The following ASZ1 variants were observed in gnomAD, a reference collection of about 807,000 sequenced individuals.
ASZ1 encodes the protein ankyrin repeat, SAM and basic leucine zipper domain-containing protein 1.
Under a neutral mutation model 61.8 loss-of-function variants are expected in ASZ1, and 67 were observed. The ratio of observed to expected loss-of-function variants is 1.08; its 90% CI spans 0.89 to 1.33. The LOEUF is 1.33. Ranked by LOEUF, ASZ1 falls within the 40% of genes most tolerant of loss-of-function variation. The probability of loss-of-function intolerance (pLI) is 0.00; values close to 1 mark genes in which losing one functional copy is unlikely to be tolerated. For synonymous variants in ASZ1, 193 were observed against 192.7 expected (o/e 1.00, Z -0.01); for missense variants, 577 against 554.5 (o/e 1.04, Z -0.41).
At chr7:117,418,058 C>T (rs1167484001) in intron 4 of ASZ1, among the ~76,000 whole-genome samples, 2 of 152,138 alleles carry the variant, frequency 1.3e-5, no homozygotes, top group East Asian at 3.9e-4. Flanking sequence ...AAAGAATAGT[C>T]TAGAACCTAT....
intron 10 of ASZ1, among the ~76,000 whole-genome samples, chr7:117,374,027 CAAT>C (rs1237121501): frequency 6.6e-6 from 1 of 151,772 alleles, no homozygotes; most frequent in Non-Finnish European, 1.5e-5. Context: ...TATTCTGAAA[CAAT>C]GATGAGGCAT....
At chr7:117,384,350 T>C (rs1671810594) in intron 6 of ASZ1, among the ~76,000 whole-genome samples, 1 of 152,096 alleles carries the variant, frequency 6.6e-6, no homozygotes, top group Non-Finnish European at 1.5e-5. Context: ...TTAATTAAAC[T>C]TACAAAAGAA....
At chr7:117,363,803 A>G in intron 12 of ASZ1, 55 bp from the exon 13 acceptor site, 3 of 1,315,002 alleles carry the variant, frequency 2.3e-6, no homozygotes, top group Admixed American at 5.6e-5. Flanking sequence ...ACATTAATAA[A>G]ACATTTTGAT....
At chr7:117,376,330 C>G (rs1796136313) in intron 10 of ASZ1, among the ~76,000 whole-genome samples, 1 of 152,090 alleles carries the variant, frequency 6.6e-6, no homozygotes, top group African/African-American at 2.4e-5. Flanking sequence ...CACAAAATAT[C>G]CAGGTCCAGA....
intron 4 of ASZ1, among the ~76,000 whole-genome samples, chr7:117,394,608 T>C (rs1462402830): frequency 6.6e-6 from 1 of 152,242 alleles, no homozygotes; most frequent in Non-Finnish European, 1.5e-5. Flanking sequence ...TCTTGGTCTT[T>C]ATTGCTTCAA....
At chr7:117,388,467 A>G (rs554866598) in intron 4 of ASZ1, among the ~76,000 whole-genome samples, 13 of 152,336 alleles carry the variant, frequency 8.5e-5, no homozygotes, top group Non-Finnish European at 1.5e-4. Flanking sequence ...ACAGGCAATT[A>G]TCCTAGGAAT....
At chr7:117,369,501 A>C (rs2116446985) in intron 10 of ASZ1, among the ~76,000 whole-genome samples, 1 of 152,314 alleles carries the variant, frequency 6.6e-6, no homozygotes, top group African/African-American at 2.4e-5. Flanking sequence ...TGGTGTGGAT[A>C]AAAGGAACAC....
intron 4 of ASZ1, among the ~76,000 whole-genome samples, chr7:117,409,740 T>A (rs966737004): frequency 6.6e-6 from 1 of 151,870 alleles, no homozygotes; most frequent in African/African-American, 2.4e-5. Flanking sequence ...ATTTTTATTA[T>A]GTGAAAGAAG....
intron 4 of ASZ1, 53 bp downstream of exon 4, chr7:117,420,110 C>T: frequency 7.3e-7 from 1 of 1,377,082 alleles, no homozygotes; most frequent in Non-Finnish European, 1.0e-6. Context: ...AGGCTGATAC[C>T]AAAGAAAAAT....
At chr7:117,424,626 C>T (rs1473745751) in intron 2 of ASZ1, among the ~76,000 whole-genome samples, 2 of 152,208 alleles carry the variant, frequency 1.3e-5, no homozygotes, top group African/African-American at 4.8e-5. Flanking sequence ...CATATCAAGT[C>T]TTAATCCTTC....
At chr7:117,419,625 A>C (rs1797062181) in intron 4 of ASZ1, among the ~76,000 whole-genome samples, 1 of 152,212 alleles carries the variant, frequency 6.6e-6, no homozygotes, top group African/African-American at 2.4e-5. Flanking sequence ...AATTTTAAGC[A>C]ATCTGATTCA....
intron 10 of ASZ1, among the ~76,000 whole-genome samples, chr7:117,369,803 C>T (rs1379396855): frequency 6.6e-6 from 1 of 152,128 alleles, no homozygotes; most frequent in Non-Finnish European, 1.5e-5. Context: ...TAAAAGAAAA[C>T]ATTATGGCAT....
chr7:117,373,722 T>A (rs1416223353), intron 10 of ASZ1, among the ~76,000 whole-genome samples: 3 of 152,148 alleles, frequency 2.0e-5, no homozygotes, highest in African/African-American at 4.8e-5. Context: ...TTTATTTTTT[T>A]AAAAAAATTC....
At chr7:117,417,385 T>C (rs1266339883) in intron 4 of ASZ1, among the ~76,000 whole-genome samples, 1 of 152,232 alleles carries the variant, frequency 6.6e-6, no homozygotes, top group Non-Finnish European at 1.5e-5. Context: ...TAAATTCATC[T>C]GAAGATCTGT....
Position 117,383,128 on chromosome 7 carries a change from C to A in ASZ1, c.688-18G>T. Reference sequence around the variant, plus strand: ...TTGAAGATCTGAAAAAAGTTAACATCATTCAAATATAATTAACATTGCATA... The same window carrying A: ...TTGAAGATCTGAAAAAAGTTAACATAATTCAAATATAATTAACATTGCATA... On this transcript the variant is annotated intron_variant, in intron 6 of 12. Coordinates refer to ENST00000284629, the MANE Select transcript of ASZ1 (RefSeq NM_130768.3). The A allele has an allele frequency of 2.0e-6, 3 of 1,523,930 alleles. No homozygotes were observed. Among genetic ancestry groups the A allele is most frequent in the South Asian group, 1.3e-5 (1 of 77,642 alleles). 94.4% of individuals were successfully genotyped at this position (1,523,930 alleles called of 1,614,324 possible). A position where few individuals can be genotyped will look rare whatever the true frequency, so the allele number is the denominator to read the frequency against.
At position 117,367,360 on chromosome 7, in the gene ASZ1, T is replaced by A; in HGVS notation, c.1267A>T (p.Ile423Phe). Residue 423 changes from isoleucine (I) to phenylalanine (F), a missense_variant, in exon 12 of 13, where the codon ATT becomes TTT. Ile to Phe is a conservative substitution (Grantham distance 21). Coordinates refer to ENST00000284629, the MANE Select transcript of ASZ1 (RefSeq NM_130768.3). ...SEKVCKLKDL[I>F]QKLQNEREND... Reference sequence around the variant, plus strand: ...TAATGTTAAATATATACCTTTTGAATTAGGTCTTTTAGTTTGCAGACCTTT... The same window carrying A: ...TAATGTTAAATATATACCTTTTGAAATAGGTCTTTTAGTTTGCAGACCTTT... The A allele has an allele frequency of 6.5e-7, 1 of 1,531,292 alleles. No homozygotes were observed. Among genetic ancestry groups the A allele is most frequent in the East Asian group, 2.4e-5 (1 of 40,848 alleles). The allele number at this position is 1,531,292 out of a possible 1,614,324, so 94.9% of individuals were successfully genotyped here. A position where few individuals can be genotyped will look rare whatever the true frequency, so the allele number is the denominator to read the frequency against.
intron 4 of ASZ1, among the ~76,000 whole-genome samples, chr7:117,393,699 G>A (rs10230259): frequency 0.26 from 39,466 of 151,922 alleles, 5,330 homozygotes; most frequent in Non-Finnish European, 0.28. Flanking sequence ...GAGTTTTACC[G>A]ATTATATTAC....
chr7:117,395,941 T>C (rs1002511408), intron 4 of ASZ1, among the ~76,000 whole-genome samples: 1 of 152,142 alleles, frequency 6.6e-6, no homozygotes, highest in African/African-American at 2.4e-5. Context: ...AACATAGCCA[T>C]AGACAATACA....
At chr7:117,404,930 G>T (rs1166295988) in intron 4 of ASZ1, among the ~76,000 whole-genome samples, 1 of 152,082 alleles carries the variant, frequency 6.6e-6, no homozygotes, top group Admixed American at 6.6e-5. Flanking sequence ...CATTGACAGA[G>T]AAACCACCCT....
Sources: allele counts gnomAD v4.1 joint callset (sites outside exome capture counted in the v4.1 genomes callset), GRCh38; gene constraint gnomAD v4.1.1; transcripts MANE v1.5; gene names NCBI Gene and HGNC (gene_info 2026-07-23, HGNC 2026-07-21).